The following EBF1 variants were observed in gnomAD, a reference collection of about 807,000 sequenced individuals.
EBF1 encodes the protein transcription factor COE1.
A neutral mutation model predicts 68.4 loss-of-function variants in EBF1; 10 were observed. That is an observed-to-expected ratio of 0.15 (90% CI 0.09 to 0.25). The LOEUF is 0.25. Ranked by LOEUF, EBF1 falls within the 10% of genes least tolerant of loss-of-function variation. The pLI is 1.00. For missense variants in EBF1, 509 were observed against 794.4 expected (o/e 0.64, Z 4.32); for synonymous variants, 298 against 299.8 (o/e 0.99, Z 0.06).
chr5:158,733,727 T>C (rs1441396633), intron 10 of EBF1, among the ~76,000 whole-genome samples: 2 of 152,190 alleles, frequency 1.3e-5, no homozygotes, highest in African/African-American at 2.4e-5. Context: ...TGCTGTCTGT[T>C]CATAGCTTTA....
intron 6 of EBF1, among the ~76,000 whole-genome samples, chr5:159,035,191 G>C (rs1381502944): frequency 1.3e-5 from 2 of 152,050 alleles, no homozygotes; most frequent in African/African-American, 4.8e-5. Context: ...TTCATCAGGG[G>C]AGCAATAAAT....
At chr5:158,775,745 A>AACACACACAC (rs3220206) in intron 10 of EBF1, among the ~76,000 whole-genome samples, 3 of 137,636 alleles carry the variant, frequency 2.2e-5, no homozygotes, top group Non-Finnish European at 4.6e-5. Flanking sequence ...AGACTTGTAA[A>AACACACACAC]ACACACACAC....
intron 6 of EBF1, among the ~76,000 whole-genome samples, chr5:159,059,675 A>G (rs1214491974): frequency 6.6e-6 from 1 of 152,234 alleles, no homozygotes; most frequent in Non-Finnish European, 1.5e-5. Flanking sequence ...GGCAGTTTAT[A>G]CAATTACTTG....
intron 6 of EBF1, among the ~76,000 whole-genome samples, chr5:158,910,891 T>G (rs1181342626): frequency 6.6e-6 from 1 of 152,236 alleles, no homozygotes; most frequent in Non-Finnish European, 1.5e-5. Context: ...ACTGCTGTCC[T>G]TGAGTAGTCC....
chr5:158,944,012 A>G (rs988714023), intron 6 of EBF1, among the ~76,000 whole-genome samples: 1 of 152,190 alleles, frequency 6.6e-6, no homozygotes, highest in African/African-American at 2.4e-5. Flanking sequence ...AAGCAGCCAC[A>G]AGCAATTGAT....
chr5:158,997,989 C>T (rs868020759), intron 6 of EBF1, among the ~76,000 whole-genome samples: 2 of 152,146 alleles, frequency 1.3e-5, no homozygotes, highest in Admixed American at 1.3e-4. Flanking sequence ...ATTTCCTTCC[C>T]CTCCCCTGCT....
At chr5:158,875,174 T>C (rs554671724) in intron 6 of EBF1, among the ~76,000 whole-genome samples, 17 of 152,118 alleles carry the variant, frequency 1.1e-4, no homozygotes, top group Admixed American at 1.0e-3. Flanking sequence ...ACAGTGATGA[T>C]AGTTACATAT....
chr5:158,909,734 C>T (rs900526877), intron 6 of EBF1, among the ~76,000 whole-genome samples: 3 of 151,914 alleles, frequency 2.0e-5, no homozygotes, highest in East Asian at 3.9e-4. Flanking sequence ...GTCAGGAGAT[C>T]GAGACCATCC....
At chr5:158,971,534 C>T (rs1360608515) in intron 6 of EBF1, among the ~76,000 whole-genome samples, 9 of 152,142 alleles carry the variant, frequency 5.9e-5, no homozygotes, top group Non-Finnish European at 1.5e-5. Flanking sequence ...GGACACCTCC[C>T]GCCCAGGTCA....
intron 6 of EBF1, among the ~76,000 whole-genome samples, chr5:158,921,774 C>A (rs968128515): frequency 6.6e-6 from 1 of 152,184 alleles, no homozygotes. Flanking sequence ...TCTTCAACAC[C>A]GCAAGCCCAA....
intron 6 of EBF1, among the ~76,000 whole-genome samples, chr5:158,938,457 C>T (rs1812554025): frequency 6.6e-6 from 1 of 152,250 alleles, no homozygotes; most frequent in Non-Finnish European, 1.5e-5. Context: ...CACTCTCATG[C>T]TCTTCCCATC....
At chr5:158,799,291 G>A (rs1168441713) in intron 8 of EBF1, among the ~76,000 whole-genome samples, 6 of 152,176 alleles carry the variant, frequency 3.9e-5, no homozygotes, top group East Asian at 3.9e-4. Flanking sequence ...CTAGCCAGGT[G>A]CAAGCCTGTC....
chr5:158,724,269 T>C (rs955293998), intron 11 of EBF1, among the ~76,000 whole-genome samples: 9 of 152,152 alleles, frequency 5.9e-5, no homozygotes, highest in African/African-American at 1.9e-4. Flanking sequence ...TCACTTTCAT[T>C]TCAGGATATA....
intron 6 of EBF1, among the ~76,000 whole-genome samples, chr5:158,908,125 G>A (rs1377569693): frequency 2.6e-5 from 4 of 152,108 alleles, no homozygotes; most frequent in Non-Finnish European, 4.4e-5. Flanking sequence ...CTTGTCAGTC[G>A]AAAGAAACTT....
chr5:158,939,145 G>T (rs929901173), intron 6 of EBF1, among the ~76,000 whole-genome samples: 1 of 152,198 alleles, frequency 6.6e-6, no homozygotes, highest in African/African-American at 2.4e-5. Context: ...TGGGCACTTG[G>T]TGCTACTCAT....
intron 6 of EBF1, among the ~76,000 whole-genome samples, chr5:158,971,390 A>G (rs1755620064): frequency 6.6e-6 from 1 of 152,212 alleles, no homozygotes; most frequent in African/African-American, 2.4e-5. Flanking sequence ...TGGACCTTGA[A>G]GAAAAGCAAA....
At chr5:158,730,863 T>C (rs1763951825) in intron 11 of EBF1, among the ~76,000 whole-genome samples, 1 of 152,230 alleles carries the variant, frequency 6.6e-6, no homozygotes, top group Admixed American at 6.5e-5. Flanking sequence ...GAGGATAAAA[T>C]GGCATAACAG....
intron 6 of EBF1, among the ~76,000 whole-genome samples, chr5:158,902,827 G>A (rs955343774): frequency 7.2e-4 from 110 of 152,178 alleles, no homozygotes; most frequent in African/African-American, 2.5e-3. Context: ...GGATAGAAAA[G>A]AGCAGGCAAG....
chr5:158,753,450 C>T lies in EBF1; in HGVS notation c.1037-22293G>A, dbSNP rs146156469. Among the ~76,000 whole-genome samples, 77 of 152,200 alleles carry T rather than the reference C, an allele frequency of 5.1e-4. No homozygotes were observed. In the East Asian group the frequency reaches 0.014, roughly 28 times the overall value. On this transcript the variant is annotated intron_variant, in intron 10 of 15. Transcript: ENST00000313708. ...ATTCTAGCCCTCTGATGGGTTCTGG[C>T]TATAATCTTAGAGTTAGACCAACAT...
Sources: gnomAD v4.1 joint callset for allele counts (sites outside exome capture counted in the v4.1 genomes callset) on GRCh38, gnomAD v4.1.1 for gene constraint, MANE v1.5 for transcripts, NCBI Gene and HGNC (gene_info 2026-07-23, HGNC 2026-07-21) for gene names.